Variants in BRINP3 observed in about 807,000 individuals in gnomAD.
BRINP3 encodes BMP/retinoic acid-inducible neural-specific protein 3.
In BRINP3, 19 loss-of-function variants were observed where a neutral mutation model predicts 71.0. That is an observed-to-expected ratio of 0.27 (90% CI 0.19 to 0.39). BRINP3 has a LOEUF of 0.39. BRINP3 is among the 10% of genes least tolerant of loss of function. The pLI is 1.00. For missense variants in BRINP3, 959 were observed against 940.8 expected, an observed-to-expected ratio of 1.02 and a Z score of -0.25; for synonymous variants, 380 against 337.7, an observed-to-expected ratio of 1.13 and a Z score of -1.37.
At chr1:190,336,229 T>C (rs1021187815) in intron 2 of BRINP3, among the ~76,000 whole-genome samples, 41 of 152,074 alleles carry the variant, frequency 2.7e-4, no homozygotes, top group African/African-American at 8.9e-4. Flanking sequence ...TTTAACAATA[T>C]AATTGCAGTT....
In BRINP3 at chr1:190,463,262, A is replaced by C. The variant is rs999849568; in HGVS notation, c.-50-8322T>G. On this transcript the variant is annotated intron_variant, in intron 1 of 7. Coordinates refer to ENST00000367462, the MANE Select transcript of BRINP3 (RefSeq NM_199051.3). Reference sequence around the variant, plus strand: ...AATGGGAGACATAATAAAATTTCAGAGAAATGAGATGACACTTAATATTTT... The same window carrying C: ...AATGGGAGACATAATAAAATTTCAGCGAAATGAGATGACACTTAATATTTT... Among the ~76,000 whole-genome samples, 7 of 151,934 alleles carry C rather than the reference A, an allele frequency of 4.6e-5. No individual in the cohort carries two copies. In the East Asian group the frequency reaches 1.4e-3, roughly 29 times the overall value.
intron 2 of BRINP3, among the ~76,000 whole-genome samples, chr1:190,327,361 AAAAG>A (rs1196542212): frequency 7.6e-5 from 11 of 144,224 alleles, no homozygotes; most frequent in African/African-American, 1.5e-4. Context: ...GGAAAAAAAA[AAAAG>A]AAAGAAAGAA....
intron 2 of BRINP3, among the ~76,000 whole-genome samples, chr1:190,417,448 T>C (rs1472634934): frequency 6.6e-6 from 1 of 152,148 alleles, no homozygotes; most frequent in Non-Finnish European, 1.5e-5. Context: ...TTGTACAGCC[T>C]TTATTCAATA....
intron 2 of BRINP3, among the ~76,000 whole-genome samples, chr1:190,292,670 A>G (rs1663958950): frequency 6.6e-6 from 1 of 152,106 alleles, no homozygotes; most frequent in African/African-American, 2.4e-5. Context: ...ATAAATAAAC[A>G]GAAGAGTAAA....
intron 1 of BRINP3, among the ~76,000 whole-genome samples, chr1:190,467,901 G>T (rs1676867420): frequency 6.6e-6 from 1 of 151,342 alleles, no homozygotes; most frequent in African/African-American, 2.4e-5. Context: ...TGAAAAGAAA[G>T]AAAATTAAAA....
intron 2 of BRINP3, among the ~76,000 whole-genome samples, chr1:190,285,952 T>C (rs769668022): frequency 1.3e-5 from 2 of 152,286 alleles, no homozygotes; most frequent in Non-Finnish European, 2.9e-5. Flanking sequence ...AGTGTTGTAT[T>C]CTACTTGGAG....
At chr1:190,258,187 C>G (rs1411415693) in intron 4 of BRINP3, among the ~76,000 whole-genome samples, 1 of 152,198 alleles carries the variant, frequency 6.6e-6, no homozygotes, top group African/African-American at 2.4e-5. Context: ...CAAGCCTCAG[C>G]AATGACGGAC....
At chr1:190,303,577 A>T (rs1664882755) in intron 2 of BRINP3, among the ~76,000 whole-genome samples, 1 of 151,788 alleles carries the variant, frequency 6.6e-6, no homozygotes, top group South Asian at 2.1e-4. Context: ...AATTGCAATT[A>T]AGTATTCTGT....
chr1:190,175,922 C>G lies in BRINP3; in HGVS notation c.962-15032G>C, dbSNP rs554091398. Among the ~76,000 whole-genome samples, 5 of 152,222 alleles carry G rather than the reference C, an allele frequency of 3.3e-5. No homozygotes were observed. The South Asian group carries it at 1.0e-3, about 32-fold the overall frequency. Reference sequence around the variant, plus strand: ...TGCAGGATCTTGAATCATGGAGGCTCTATATTCTAACTTCATGCCCTGGAA... The same window carrying G: ...TGCAGGATCTTGAATCATGGAGGCTGTATATTCTAACTTCATGCCCTGGAA... On this transcript the variant is annotated intron_variant, in intron 6 of 7. Coordinates refer to ENST00000367462, the MANE Select transcript of BRINP3 (RefSeq NM_199051.3).
intron 7 of BRINP3, among the ~76,000 whole-genome samples, chr1:190,101,393 G>A (rs1198513618): frequency 6.6e-6 from 1 of 152,014 alleles, no homozygotes; most frequent in Non-Finnish European, 1.5e-5. Context: ...TGTGCAAAAA[G>A]CTTCCTATTG....
At chr1:190,384,737 A>T (rs1162503812) in intron 2 of BRINP3, among the ~76,000 whole-genome samples, 2 of 151,950 alleles carry the variant, frequency 1.3e-5, no homozygotes, top group African/African-American at 4.8e-5. Flanking sequence ...ACTCAAAATT[A>T]TATCACTGCT....
At chr1:190,466,312 A>T (rs186941195) in intron 1 of BRINP3, among the ~76,000 whole-genome samples, 3 of 151,914 alleles carry the variant, frequency 2.0e-5, no homozygotes, top group Admixed American at 1.3e-4. Flanking sequence ...AAATCTCTCA[A>T]TCTGTAATTG....
intron 2 of BRINP3, among the ~76,000 whole-genome samples, chr1:190,327,290 G>A (rs1666647174): frequency 1.5e-5 from 2 of 131,094 alleles, no homozygotes; most frequent in South Asian, 4.8e-4. Context: ...ACTCTGGCCT[G>A]GGCAACAGAG....
chr1:190,260,113 G>T (rs1558119919), intron 4 of BRINP3, among the ~76,000 whole-genome samples: 1 of 151,798 alleles, frequency 6.6e-6, no homozygotes, highest in Non-Finnish European at 1.5e-5. Flanking sequence ...AAACAGAGTG[G>T]TTACTAGGAT....
intron 2 of BRINP3, among the ~76,000 whole-genome samples, chr1:190,323,469 T>C (rs1345336503): frequency 6.6e-6 from 1 of 151,914 alleles, no homozygotes; most frequent in Non-Finnish European, 1.5e-5. Context: ...CCTTTAACGA[T>C]TGTAATTCTT....
chr1:190,269,902 ATGAC>A (rs1661961569), intron 3 of BRINP3, among the ~76,000 whole-genome samples: 1 of 152,102 alleles, frequency 6.6e-6, no homozygotes, highest in Admixed American at 6.6e-5. Context: ...ATTTCAAAGG[ATGAC>A]TGACTAAAAC....
rs1651432552 is a variant in BRINP3, at chr1:190,098,861, A to G, written c.1458T>C (p.Ile486=). ...PEVAESTDHY[I]GFETDLQDLE... ...GATCTTGCAGGTCAGTTTCAAAGCC[A>G]ATATAGTGATCGGTGGACTCGGCGA... The change falls in exon 8 of 8, where the codon ATT becomes ATC. Residue 486 remains isoleucine, a synonymous_variant. Coordinates refer to ENST00000367462, the MANE Select transcript of BRINP3 (RefSeq NM_199051.3). The G allele has an allele frequency of 2.5e-6, 4 of 1,614,196 alleles. No homozygotes were observed. The highest frequency in any genetic ancestry group is 2.2e-5 in the South Asian group (2 of 91,084).
At chr1:190,112,684 G>C (rs1557977076) in intron 7 of BRINP3, among the ~76,000 whole-genome samples, 1 of 151,992 alleles carries the variant, frequency 6.6e-6, no homozygotes, top group Non-Finnish European at 1.5e-5. Context: ...TTGGATTCTT[G>C]TAAGGAATAT....
At chr1:190,413,151 A>G (rs1672799135) in intron 2 of BRINP3, among the ~76,000 whole-genome samples, 1 of 152,128 alleles carries the variant, frequency 6.6e-6, no homozygotes, top group Admixed American at 6.6e-5. Flanking sequence ...CTTAACAGAA[A>G]GGAAGGTGTG....
Sources: gnomAD v4.1 joint callset for allele counts (sites outside exome capture counted in the v4.1 genomes callset) on GRCh38, gnomAD v4.1.1 for gene constraint, MANE v1.5 for transcripts, NCBI Gene and HGNC (gene_info 2026-07-23, HGNC 2026-07-21) for gene names.